Variants in SELENOI observed in about 807,000 individuals in gnomAD.
SELENOI encodes the protein ethanolaminephosphotransferase 1.
A neutral mutation model predicts 50.7 loss-of-function variants in SELENOI; 24 were observed. The ratio of observed to expected loss-of-function variants is 0.47; its 90% CI spans 0.34 to 0.67. SELENOI has a LOEUF of 0.67. Among genes scored for constraint, SELENOI ranks in the 30% least tolerant of loss-of-function variants. SELENOI has a pLI of 0.01. For missense variants in SELENOI, 352 were observed against 461.4 expected (o/e 0.76, Z 2.17); for synonymous variants, 155 against 170.2 (o/e 0.91, Z 0.70).
intron 4 of SELENOI, among the ~76,000 whole-genome samples, chr2:26,370,529 G>T (rs1296751370): frequency 7.2e-6 from 1 of 139,218 alleles, no homozygotes; most frequent in African/African-American, 2.6e-5. Flanking sequence ...GGCTGGCCGG[G>T]CAGAGGGGCT....
At chr2:26,372,085 C>G (rs1677468490) in intron 4 of SELENOI, among the ~76,000 whole-genome samples, 1 of 151,772 alleles carries the variant, frequency 6.6e-6, no homozygotes, top group Admixed American at 6.6e-5. Flanking sequence ...TGTGATATAC[C>G]ATACCTTTAT....
rs1677135348 is a variant in SELENOI, at chr2:26,359,709, G to C, written c.58-4593G>C. 2.6e-5 allele frequency among the ~76,000 whole-genome samples: 4 copies of C among 152,120 alleles called. No homozygotes were observed. The South Asian group carries it at 8.3e-4, about 32-fold the overall frequency. On this transcript the variant is annotated intron_variant, in intron 1 of 9. Coordinates refer to ENST00000260585, the MANE Select transcript of SELENOI (RefSeq NM_033505.4). ...TGAAAACACAGGATAGATGATATAGGGCAGGGGAGGATTTTGTTAGTGTAT... is the reference window on the plus strand; with the variant it reads ...TGAAAACACAGGATAGATGATATAGCGCAGGGGAGGATTTTGTTAGTGTAT...
At chr2:26,363,762 G>GTATTAT (rs886395688) in intron 1 of SELENOI, among the ~76,000 whole-genome samples, 1 of 151,868 alleles carries the variant, frequency 6.6e-6, no homozygotes, top group Admixed American at 6.6e-5. Context: ...GGTTATTTTT[G>GTATTAT]TATTATTATT....
chr2:26,349,813 G>A (rs778256537), intron 1 of SELENOI, among the ~76,000 whole-genome samples: 19 of 148,682 alleles, frequency 1.3e-4, no homozygotes, highest in Non-Finnish European at 2.5e-4. Context: ...TGGTTGGTTC[G>A]AGAAAGTTAT....
intron 6 of SELENOI, among the ~76,000 whole-genome samples, chr2:26,378,279 C>T (rs1402319108): frequency 1.3e-5 from 2 of 152,180 alleles, no homozygotes; most frequent in African/African-American, 2.4e-5. Context: ...CCTTCTTCAG[C>T]CCAGTCTGAG....
Position 26,389,024 on chromosome 2 carries a change from A to C in SELENOI, c.1115A>C (p.His372Pro), listed in dbSNP as rs1201889851. 6.3e-7 allele frequency: 1 copy of C among 1,588,258 alleles called. No homozygotes were observed. Among genetic ancestry groups the C allele is most frequent in the Non-Finnish European group, 8.6e-7 (1 of 1,165,910 alleles). Residue 372 changes from histidine (H) to proline (P), a missense_variant, in exon 10 of 10, where the codon CAT becomes CCT. Physicochemically the swap from His to Pro is moderately conservative, Grantham distance 77. Coordinates refer to ENST00000260585, the MANE Select transcript of SELENOI (RefSeq NM_033505.4). ...GVRVVKQLSS[H>P]FQIYPFSLRK... The stretch of plus-strand genomic sequence containing the variant: ...TCATAGGTAAAGCAGCTGAGCAGCC[A>C]TTTTCAGATTTACCCCTTCTCATTG...
chr2:26,368,443 C>G (rs1677336724), intron 4 of SELENOI, among the ~76,000 whole-genome samples: 1 of 152,112 alleles, frequency 6.6e-6, no homozygotes. Context: ...TGTTCTAGGC[C>G]CACAGTTTTC....
intron 6 of SELENOI, among the ~76,000 whole-genome samples, chr2:26,381,198 CTTTTTTT>C (rs57102834): frequency 0.044 from 1,318 of 30,240 alleles, 11 homozygotes; most frequent in East Asian, 0.15. Context: ...TCAGTTTGGT[CTTTTTTT>C]TTTTTTTTTT....
At position 26,386,404 on chromosome 2, in the gene SELENOI, T is replaced by C. The variant is rs376515532; in HGVS notation, c.963T>C (p.Asn321=). ...QMSSTRCPTL[N]WLLVPLFLVV... ...GTAGTACCCGGTGTCCAACTTTGAATTGGTTGCTGGTTCCTCTCTTCTTGG... is the reference window on the plus strand; with the variant it reads ...GTAGTACCCGGTGTCCAACTTTGAACTGGTTGCTGGTTCCTCTCTTCTTGG... The change falls in exon 9 of 10, where the codon AAT becomes AAC. Residue 321 remains asparagine (N), a synonymous_variant. Coordinates refer to ENST00000260585, the MANE Select transcript of SELENOI (RefSeq NM_033505.4). The C allele has an allele frequency of 5.4e-5, 87 of 1,613,838 alleles. 1 individual carries two copies. The highest frequency in any genetic ancestry group is 8.8e-5 in the South Asian group (8 of 91,078).
At chr2:26,366,759 A>G (rs1046927213) in intron 3 of SELENOI, among the ~76,000 whole-genome samples, 4 of 152,252 alleles carry the variant, frequency 2.6e-5, no homozygotes, top group Non-Finnish European at 4.4e-5. Context: ...AGTATAGGAA[A>G]GGATAAGGTG....
rs999485731 is a variant in SELENOI at position 26,364,452 on chromosome 2, A to G, written c.126+82A>G. On this transcript the variant is annotated intron_variant, in intron 2 of 9. Transcript: ENST00000260585. ...CTATTTTATGGAGTATTATAAATGC[A>G]ACTCTCAGTTTCATAAGATATTTAG... The G allele has an allele frequency of 5.7e-6, 5 of 881,830 alleles. No homozygotes were observed. In the African/African-American group the frequency reaches 8.5e-5, roughly 15 times the overall value. 54.6% of individuals were successfully genotyped at this position (881,830 alleles called of 1,614,324 possible).
At chr2:26,379,379 G>T (rs923404444) in intron 6 of SELENOI, among the ~76,000 whole-genome samples, 1 of 152,136 alleles carries the variant, frequency 6.6e-6, no homozygotes, top group Non-Finnish European at 1.5e-5. Flanking sequence ...CTTAGATTCT[G>T]CGTTTTCCTG....
intron 4 of SELENOI, among the ~76,000 whole-genome samples, chr2:26,370,009 T>A (rs1430199731): frequency 2.7e-5 from 4 of 149,790 alleles, no homozygotes; most frequent in Admixed American, 2.6e-4. Context: ...CCTGTGGCCT[T>A]CCGCAGCGTT....
chr2:26,395,636 G>A lies in SELENOI; in HGVS notation c.*6533G>A, dbSNP rs1678074042. On this transcript the variant is annotated 3_prime_UTR_variant, in exon 10 of 10. Coordinates refer to ENST00000260585, the MANE Select transcript of SELENOI (RefSeq NM_033505.4). Reference sequence around the variant, plus strand: ...ATAATGTGATGTACAAAGAGAGTATGCCGATGCATTTCATTGTTTTTGCAT... The same window carrying A: ...ATAATGTGATGTACAAAGAGAGTATACCGATGCATTTCATTGTTTTTGCAT... The A allele has an allele frequency of 6.6e-6, 1 of 152,618 alleles. No individual in the cohort carries two copies. The highest frequency in any genetic ancestry group is 6.5e-5 in the Admixed American group (1 of 15,274). 9.5% of individuals were successfully genotyped at this position (152,618 alleles called of 1,614,324 possible). A position where few individuals can be genotyped will look rare whatever the true frequency, so the allele number is the denominator to read the frequency against.
At chr2:26,371,938 A>C (rs1161522720) in intron 4 of SELENOI, among the ~76,000 whole-genome samples, 1 of 152,018 alleles carries the variant, frequency 6.6e-6, no homozygotes, top group African/African-American at 2.4e-5. Flanking sequence ...TTGAAATGAC[A>C]TACTTCTTTA....
At position 26,392,233 on chromosome 2, in the gene SELENOI, G is replaced by T. The variant is rs1677987038; in HGVS notation, c.*3130G>T. 1 of 152,072 alleles carries T rather than the reference G, an allele frequency of 6.6e-6. No homozygotes were observed. Among genetic ancestry groups the T allele is most frequent in the African/African-American group, 2.4e-5 (1 of 41,394 alleles). 9.4% of individuals were successfully genotyped at this position (152,072 alleles called of 1,614,324 possible). ...GGAGAATATACAAAGGAAAAAGCAG[G>T]CATAGTTTCCACTTTAAAGGGAAGA... On this transcript the variant is annotated 3_prime_UTR_variant, in exon 10 of 10. Coordinates refer to ENST00000260585, the MANE Select transcript of SELENOI (RefSeq NM_033505.4).
chr2:26,385,023 C>T lies in SELENOI; in HGVS notation c.796C>T (p.Pro266Ser). ...TGAAGCTATGGTTCCCTTATTTTCT[C>T]CATGCTTGCTGTTCATTTTGTCTAC... ...VYEAMVPLFSPCLLFILSTAW... is the reference protein window; with the variant it reads ...VYEAMVPLFSSCLLFILSTAW... Residue 266 changes from proline (P) to serine (S), a missense_variant, in exon 8 of 10, where the codon CCA (proline) becomes TCA (serine). Coordinates refer to ENST00000260585, the MANE Select transcript of SELENOI (RefSeq NM_033505.4). 1 of 1,613,102 alleles carries T rather than the reference C, an allele frequency of 6.2e-7. No individual in the cohort carries two copies. The highest frequency in any genetic ancestry group is 8.5e-7 in the Non-Finnish European group (1 of 1,179,498).
At chr2:26,380,661 A>G (rs1455147126) in intron 6 of SELENOI, among the ~76,000 whole-genome samples, 4 of 152,208 alleles carry the variant, frequency 2.6e-5, no homozygotes, top group Admixed American at 2.6e-4. Flanking sequence ...TAGAATTGCT[A>G]GTAGAGGACA....
intron 4 of SELENOI, among the ~76,000 whole-genome samples, chr2:26,368,300 G>A (rs1267621722): frequency 2.0e-5 from 3 of 152,204 alleles, no homozygotes; most frequent in Non-Finnish European, 4.4e-5. Context: ...TATTAAAGAT[G>A]AGCAGGTCTT....
Sources: gnomAD v4.1 joint callset for allele counts (sites outside exome capture counted in the v4.1 genomes callset) on GRCh38, gnomAD v4.1.1 for gene constraint, MANE v1.5 for transcripts, NCBI Gene and HGNC (gene_info 2026-07-23, HGNC 2026-07-21) for gene names.